Variants in YPEL2 observed in about 807,000 individuals in gnomAD.
YPEL2 encodes the protein yippee like 2.
YPEL2 carries 2 observed loss-of-function variants against 19.1 expected under a neutral mutation model. The observed-to-expected ratio is 0.10, with a 90% CI of 0.04 to 0.33. The LOEUF (loss-of-function observed/expected upper bound fraction) is 0.33, where lower values mean the gene tolerates loss of function less well. Ranked by LOEUF, YPEL2 falls within the 10% of genes least tolerant of loss-of-function variation. The pLI is 1.00. For missense variants in YPEL2, 66 were observed against 140.7 expected (o/e 0.47, Z 2.68); for synonymous variants, 52 against 50.0 (o/e 1.04, Z -0.17).
intron 1 of YPEL2, among the ~76,000 whole-genome samples, chr17:59,335,146 A>G (rs1380365343): frequency 2.0e-5 from 3 of 152,220 alleles, no homozygotes; most frequent in Admixed American, 1.3e-4. Flanking sequence ...CTGCAGGCTA[A>G]AGATATTTTT....
In YPEL2 at chr17:59,399,638, A is replaced by G. The variant is rs1013278909; in HGVS notation, c.*2448A>G. On this transcript the variant is annotated 3_prime_UTR_variant, in exon 5 of 5. Coordinates refer to ENST00000312655, the MANE Select transcript of YPEL2 (RefSeq NM_001005404.4). ...GGTTTTTCCATAACTACAGGGGGAA[A>G]AAAAGTCATTAGGCTTTCCCTTTGT... 4.6e-5 allele frequency: 7 copies of G among 152,572 alleles called. No individual in the cohort carries two copies. The highest frequency in any genetic ancestry group is 1.0e-4 in the Non-Finnish European group (7 of 68,032). The allele number at this position is 152,572 out of a possible 1,614,324, so 9.5% of individuals were successfully genotyped here.
chr17:59,348,585 TCA>T (rs1381241553), intron 1 of YPEL2, among the ~76,000 whole-genome samples: 1 of 152,240 alleles, frequency 6.6e-6, no homozygotes, highest in East Asian at 1.9e-4. Context: ...TCATAATATC[TCA>T]CATATTTTCT....
At chr17:59,361,481 C>T (rs1238093516) in intron 2 of YPEL2, among the ~76,000 whole-genome samples, 1 of 152,132 alleles carries the variant, frequency 6.6e-6, no homozygotes, top group Non-Finnish European at 1.5e-5. Context: ...CGCATGTTTC[C>T]CATTAGCCTG....
intron 2 of YPEL2, among the ~76,000 whole-genome samples, chr17:59,370,305 C>T (rs187110495): frequency 0.014 from 2,061 of 152,250 alleles, 49 homozygotes; most frequent in African/African-American, 0.046. Flanking sequence ...CCTCGTGATC[C>T]GCCCGCCTCG....
chr17:59,393,574 A>G (rs1253323369), intron 4 of YPEL2, among the ~76,000 whole-genome samples: 2 of 144,900 alleles, frequency 1.4e-5, no homozygotes, highest in Non-Finnish European at 3.0e-5. Flanking sequence ...GGGATTTGGC[A>G]GGGTCATAGG....
chr17:59,341,866 C>T (rs1434185955), intron 1 of YPEL2, among the ~76,000 whole-genome samples: 1 of 152,158 alleles, frequency 6.6e-6, no homozygotes, highest in African/African-American at 2.4e-5. Context: ...CCCTTTCCCA[C>T]CCCACCGCCT....
chr17:59,397,074 T>G, intron 4 of YPEL2, 27 bp from the exon 5 acceptor site: 1 of 1,565,058 alleles, frequency 6.4e-7, no homozygotes. Context: ...TCGTTCAGTA[T>G]CTCTTCTCTG....
rs538766423 is a variant in YPEL2 at position 59,399,775 on chromosome 17, A to T, written c.*2585A>T. On this transcript the variant is annotated 3_prime_UTR_variant, in exon 5 of 5. Transcript: ENST00000312655. ...GCTGAGCTATGGAGATGCTAAATTA[A>T]CTCATGGCCTCAGTCAGTTCATTCT... 25 of 152,676 alleles carry T rather than the reference A, an allele frequency of 1.6e-4. No individual in the cohort carries two copies. Among genetic ancestry groups the T allele is most frequent in the African/African-American group, 5.1e-4 (21 of 41,524 alleles). The allele number at this position is 152,676 out of a possible 1,614,324, so 9.5% of individuals were successfully genotyped here.
chr17:59,352,914 C>T (rs1389471297), intron 1 of YPEL2, among the ~76,000 whole-genome samples: 1 of 152,152 alleles, frequency 6.6e-6, no homozygotes, highest in African/African-American at 2.4e-5. Flanking sequence ...GGTGGTAGCA[C>T]ATCTTCAAGC....
intron 1 of YPEL2, among the ~76,000 whole-genome samples, chr17:59,351,008 T>C (rs1028251812): frequency 1.3e-5 from 2 of 152,182 alleles, no homozygotes; most frequent in Admixed American, 6.5e-5. Context: ...GTCTTTCCTA[T>C]TTCCTTACTC....
At chr17:59,364,109 A>G (rs1324865846) in intron 2 of YPEL2, among the ~76,000 whole-genome samples, 1 of 152,154 alleles carries the variant, frequency 6.6e-6, no homozygotes, top group African/African-American at 2.4e-5. Context: ...CTTTTTATGT[A>G]TAATTGTCTT....
intron 2 of YPEL2, among the ~76,000 whole-genome samples, chr17:59,375,152 G>A (rs745784671): frequency 1.3e-5 from 2 of 152,182 alleles, no homozygotes; most frequent in African/African-American, 4.8e-5. Flanking sequence ...AGAAATGTGG[G>A]GGAGAGCCAT....
At chr17:59,332,430 G>T (rs920907937) in intron 1 of YPEL2, among the ~76,000 whole-genome samples, 4 of 152,298 alleles carry the variant, frequency 2.6e-5, no homozygotes, top group Admixed American at 6.5e-5. Flanking sequence ...CGCCTCCCCG[G>T]TGTCCTTGCC....
chr17:59,347,744 G>T (rs1279385011), intron 1 of YPEL2, among the ~76,000 whole-genome samples: 2 of 152,114 alleles, frequency 1.3e-5, no homozygotes, highest in Non-Finnish European at 2.9e-5. Flanking sequence ...TGTCCCAGTG[G>T]TATCATCTCA....
At chr17:59,363,491 A>G (rs562861578) in intron 2 of YPEL2, among the ~76,000 whole-genome samples, 1 of 151,910 alleles carries the variant, frequency 6.6e-6, no homozygotes, top group Non-Finnish European at 1.5e-5. Context: ...TATTTTTAGT[A>G]AAGGTGTGGT....
chr17:59,362,849 C>A (rs1377106742), intron 2 of YPEL2: 1 of 152,268 alleles, frequency 6.6e-6, no homozygotes, highest in Non-Finnish European at 1.5e-5. Flanking sequence ...TGCACCATTG[C>A]TAGCTTGGCT....
At chr17:59,335,965 CT>C (rs1567727036) in intron 1 of YPEL2, among the ~76,000 whole-genome samples, 1 of 152,174 alleles carries the variant, frequency 6.6e-6, no homozygotes, top group African/African-American at 2.4e-5. Context: ...TCTTAATCCC[CT>C]TAACTTTATT....
At chr17:59,355,770 G>A (rs2047809816) in intron 2 of YPEL2, 1 of 152,186 alleles carries the variant, frequency 6.6e-6, no homozygotes, top group Non-Finnish European at 1.5e-5. Flanking sequence ...TACTTTGTTG[G>A]CCTCATGTCC....
chr17:59,374,312 C>T (rs558205912), intron 2 of YPEL2, among the ~76,000 whole-genome samples: 267 of 152,302 alleles, frequency 1.8e-3, no homozygotes, highest in Non-Finnish European at 3.0e-3. Context: ...ATTATATGCC[C>T]ATGTCTCTTT....
Sources: gnomAD v4.1 joint callset for allele counts (sites outside exome capture counted in the v4.1 genomes callset) on GRCh38, gnomAD v4.1.1 for gene constraint, MANE v1.5 for transcripts, NCBI Gene and HGNC (gene_info 2026-07-23, HGNC 2026-07-21) for gene names.